AGBL1: variants seen among roughly 807,000 people sequenced by gnomAD.
The protein encoded by AGBL1 is cytosolic carboxypeptidase 4.
Under a neutral mutation model 118.9 loss-of-function variants are expected in AGBL1, and 130 were observed. The observed-to-expected ratio is 1.09, with a 90% CI of 0.95 to 1.26. The LOEUF is 1.26. Among genes scored for constraint, AGBL1 ranks in the 50% most tolerant of loss-of-function variants. The pLI is 0.00. For missense variants in AGBL1, 1,584 were observed against 1,298.1 expected (o/e 1.22, Z -3.38); for synonymous variants, 555 against 478.9 (o/e 1.16, Z -2.08).
chr15:86,416,914 C>T (rs773326695), intron 18 of AGBL1, among the ~76,000 whole-genome samples: 11 of 152,218 alleles, frequency 7.2e-5, no homozygotes, highest in Non-Finnish European at 1.6e-4. Context: ...ACAATGGACT[C>T]TTCCATTCCA....
intron 21 of AGBL1, among the ~76,000 whole-genome samples, chr15:86,608,437 G>A (rs938501426): frequency 2.6e-5 from 4 of 152,160 alleles, no homozygotes; most frequent in African/African-American, 9.7e-5. Flanking sequence ...TAAACACAAC[G>A]TTCTTTTTTC....
chr15:86,356,526 A>C (rs1000997239), intron 17 of AGBL1, among the ~76,000 whole-genome samples: 2 of 152,096 alleles, frequency 1.3e-5, no homozygotes, highest in African/African-American at 4.8e-5. Context: ...AGAGGAAATG[A>C]GAGGCAAGCT....
chr15:86,493,668 C>G lies in AGBL1; in HGVS notation c.2556-29142C>G, dbSNP rs1596186777. On this transcript the variant is annotated intron_variant, in intron 18 of 22. Coordinates refer to ENST00000614907, the MANE Select transcript of AGBL1 (RefSeq NM_001386094.1). Reference sequence around the variant, plus strand: ...ATGATTTCAGTCCACACACTTTCTTCCGTAATGCTGTGGGTTTTTGCACAA... The same window carrying G: ...ATGATTTCAGTCCACACACTTTCTTGCGTAATGCTGTGGGTTTTTGCACAA... Among the ~76,000 whole-genome samples the G allele has an allele frequency of 2.0e-5, 3 of 152,092 alleles. No individual in the cohort carries two copies. The South Asian group carries it at 6.2e-4, about 31-fold the overall frequency.
At chr15:86,735,651 G>GATATATATATATATATATATATATATAT (rs1196938111) in intron 22 of AGBL1, among the ~76,000 whole-genome samples, 2 of 111,122 alleles carry the variant, frequency 1.8e-5, no homozygotes, top group South Asian at 2.7e-4. Context: ...CTGCTACAAA[G>GATATATATATATATATATATATATATAT]AGAGATATAT....
Position 86,219,683 on chromosome 15 carries a change from CTG to C in AGBL1, c.489-5228_489-5227del, listed in dbSNP as rs551453190. Among the ~76,000 whole-genome samples the C allele has an allele frequency of 2.6e-4, 39 of 152,234 alleles. 1 individual carries two copies. The East Asian group carries it at 5.8e-3, about 23-fold the overall frequency. ...CTAAACCCGCTTAAGCTGTACCACACTGTGCTATGTAGAATCTTGAATCAAAC... is the reference window on the plus strand; with the variant it reads ...CTAAACCCGCTTAAGCTGTACCACACTGCTATGTAGAATCTTGAATCAAAC... On this transcript the variant is annotated intron_variant, in intron 5 of 22. Coordinates refer to ENST00000614907, the MANE Select transcript of AGBL1 (RefSeq NM_001386094.1).
chr15:86,886,783 A>T (rs2079976668), intron 22 of AGBL1, among the ~76,000 whole-genome samples: 1 of 152,144 alleles, frequency 6.6e-6, no homozygotes, highest in Non-Finnish European at 1.5e-5. Context: ...CCAGTCGGAG[A>T]ACAGCAAGGC....
intron 23 of AGBL1, among the ~76,000 whole-genome samples, chr15:86,930,544 A>G (rs1366650543): frequency 6.6e-6 from 1 of 152,142 alleles, no homozygotes; most frequent in Non-Finnish European, 1.5e-5. Context: ...ACTGCTATTT[A>G]ATAAATATTT....
intron 18 of AGBL1, among the ~76,000 whole-genome samples, chr15:86,431,453 C>G (rs2081934952): frequency 6.6e-6 from 1 of 152,132 alleles, no homozygotes; most frequent in African/African-American, 2.4e-5. Context: ...ATATACATTT[C>G]CGAGTAATTT....
chr15:86,248,917 T>C (rs143422846), intron 7 of AGBL1, among the ~76,000 whole-genome samples: 1 of 152,228 alleles, frequency 6.6e-6, no homozygotes, highest in East Asian at 1.9e-4. Context: ...AGCTGAGACC[T>C]GAGTTGTTGG....
At chr15:86,522,452 C>T (rs9302340) in intron 18 of AGBL1, among the ~76,000 whole-genome samples, 17,379 of 152,180 alleles carry the variant, frequency 0.11, 3,229 homozygotes, top group African/African-American at 0.39. Context: ...AGATTGAATG[C>T]AACTTAATTA....
intron 17 of AGBL1, among the ~76,000 whole-genome samples, chr15:86,325,831 G>C (rs79403801): frequency 4.1e-4 from 63 of 152,220 alleles, no homozygotes; most frequent in Non-Finnish European, 7.2e-4. Context: ...GTGCACGTTG[G>C]GGGTGGTGGG....
chr15:86,182,487 A>G (rs1231703321), intron 5 of AGBL1, among the ~76,000 whole-genome samples: 3 of 152,018 alleles, frequency 2.0e-5, no homozygotes, highest in African/African-American at 7.2e-5. Context: ...TTATGGTCTC[A>G]TGACAGCTTT....
chr15:86,989,125 T>G (rs1020509152), intron 24 of AGBL1, among the ~76,000 whole-genome samples: 1 of 151,094 alleles, frequency 6.6e-6, no homozygotes, highest in Non-Finnish European at 1.5e-5. Flanking sequence ...TTTCAGCCTC[T>G]CAAGTAGCTG....
intron 21 of AGBL1, among the ~76,000 whole-genome samples, chr15:86,627,939 G>A (rs1235551062): frequency 2.6e-5 from 4 of 152,148 alleles, no homozygotes; most frequent in East Asian, 1.9e-4. Flanking sequence ...CATCAAAGGC[G>A]CTCAATGAAT....
chr15:86,637,166 A>T (rs184440771), intron 21 of AGBL1, among the ~76,000 whole-genome samples: 5 of 152,252 alleles, frequency 3.3e-5, no homozygotes, highest in Non-Finnish European at 7.4e-5. Flanking sequence ...GAAGATGCAC[A>T]TTACACAACA....
chr15:86,526,116 C>T (rs2083258767), intron 19 of AGBL1, among the ~76,000 whole-genome samples: 1 of 152,198 alleles, frequency 6.6e-6, no homozygotes, highest in Non-Finnish European at 1.5e-5. Context: ...TGAGAAAATG[C>T]TCAACGTCAC....
chr15:86,651,773 C>T lies in AGBL1; in HGVS notation c.2995-22500C>T, dbSNP rs74027344. ...ATCTTACTAAACCTGCCACTGAGTA[C>T]GTTAACTCTTAACACTGAGTTCAGT... On this transcript the variant is annotated intron_variant, in intron 21 of 22. Coordinates refer to ENST00000614907, the MANE Select transcript of AGBL1 (RefSeq NM_001386094.1). 6.0e-3 allele frequency among the ~76,000 whole-genome samples: 921 copies of T among 152,242 alleles called. 10 individuals are homozygous for T. The highest frequency in any genetic ancestry group is 0.02 in the African/African-American group (834 of 41,540).
intron 17 of AGBL1, among the ~76,000 whole-genome samples, chr15:86,362,428 ATGTTC>A (rs1263090374): frequency 3.9e-5 from 6 of 152,074 alleles, no homozygotes; most frequent in African/African-American, 1.4e-4. Context: ...TTACTAATTA[ATGTTC>A]TTTTGTTTCA....
At chr15:86,978,329 C>A (rs777710216) in intron 23 of AGBL1, among the ~76,000 whole-genome samples, 1 of 152,192 alleles carries the variant, frequency 6.6e-6, no homozygotes, top group Middle Eastern at 3.4e-3. Context: ...TAGCACAAAG[C>A]GATTGTAAGT....
Sources: allele counts gnomAD v4.1 joint callset (sites outside exome capture counted in the v4.1 genomes callset), GRCh38; gene constraint gnomAD v4.1.1; transcripts MANE v1.5; gene names NCBI Gene and HGNC (gene_info 2026-07-23, HGNC 2026-07-21).